Variants in UNC5C observed in about 807,000 individuals in gnomAD.
The protein encoded by UNC5C is unc-5 netrin receptor C, also known as netrin receptor UNC5C.
In UNC5C, 47 loss-of-function variants were observed where a neutral mutation model predicts 99.8. That is an observed-to-expected ratio of 0.47 (90% CI 0.37 to 0.60). The LOEUF (loss-of-function observed/expected upper bound fraction) is 0.60. UNC5C is among the 20% of genes least tolerant of loss of function. UNC5C has a pLI of 0.00. For missense variants in UNC5C, 1,062 were observed against 1,165.9 expected (o/e 0.91, Z 1.30); for synonymous variants, 487 against 452.2 (o/e 1.08, Z -0.98).
At chr4:95,245,675 G>T (rs530556329) in intron 5 of UNC5C, among the ~76,000 whole-genome samples, 5 of 152,244 alleles carry the variant, frequency 3.3e-5, no homozygotes, top group Admixed American at 1.3e-4. Context: ...CAGTACTGGG[G>T]TTATAAACAA....
intron 2 of UNC5C, among the ~76,000 whole-genome samples, chr4:95,331,165 A>T (rs2149418558): frequency 6.6e-6 from 1 of 152,190 alleles, no homozygotes; most frequent in East Asian, 1.9e-4. Context: ...TTTTTTATGG[A>T]TGAATAGTAT....
chr4:95,240,341 C>G (rs1739284166), intron 7 of UNC5C, among the ~76,000 whole-genome samples: 1 of 152,158 alleles, frequency 6.6e-6, no homozygotes. Flanking sequence ...ACTAAACTAA[C>G]TGGTAAACAG....
intron 1 of UNC5C, among the ~76,000 whole-genome samples, chr4:95,539,101 C>T (rs1722851628): frequency 6.6e-6 from 1 of 152,172 alleles, no homozygotes; most frequent in South Asian, 2.1e-4. Flanking sequence ...TGAGAGGTCA[C>T]CTCATGTAGG....
At chr4:95,191,711 C>T (rs1282412985) in intron 12 of UNC5C, among the ~76,000 whole-genome samples, 1 of 150,170 alleles carries the variant, frequency 6.7e-6, no homozygotes. Context: ...TGCTTACCCT[C>T]CTTCCCTGCT....
chr4:95,355,326 C>T (rs1744142344), intron 1 of UNC5C, among the ~76,000 whole-genome samples: 1 of 152,142 alleles, frequency 6.6e-6, no homozygotes, highest in Non-Finnish European at 1.5e-5. Flanking sequence ...GCCTTATTTT[C>T]TTGTTGAATG....
intron 1 of UNC5C, among the ~76,000 whole-genome samples, chr4:95,388,310 C>T (rs897900347): frequency 6.6e-6 from 1 of 152,182 alleles, no homozygotes; most frequent in Non-Finnish European, 1.5e-5. Flanking sequence ...ATCTATTACT[C>T]ATAGAATGGT....
chr4:95,423,408 C>A (rs1746374774), intron 1 of UNC5C, among the ~76,000 whole-genome samples: 1 of 152,126 alleles, frequency 6.6e-6, no homozygotes, highest in Non-Finnish European at 1.5e-5. Context: ...TTTCTCAATG[C>A]AGTTATACTT....
At chr4:95,311,078 T>G (rs1742259364) in intron 2 of UNC5C, among the ~76,000 whole-genome samples, 1 of 152,128 alleles carries the variant, frequency 6.6e-6, no homozygotes, top group Admixed American at 6.6e-5. Context: ...ACTTGAATGG[T>G]GGGTGTGCAA....
At chr4:95,419,138 A>G (rs1246008479) in intron 1 of UNC5C, among the ~76,000 whole-genome samples, 1 of 152,176 alleles carries the variant, frequency 6.6e-6, no homozygotes, top group Non-Finnish European at 1.5e-5. Flanking sequence ...CTGATATCAA[A>G]TTGGTGTTAA....
chr4:95,543,754 C>T (rs1479388940), intron 1 of UNC5C, among the ~76,000 whole-genome samples: 15 of 152,196 alleles, frequency 9.9e-5, no homozygotes, highest in Admixed American at 7.9e-4. Flanking sequence ...AAGTCAAGGA[C>T]GAGCTTCTTG....
chr4:95,541,110 C>A (rs555900674), intron 1 of UNC5C, among the ~76,000 whole-genome samples: 2 of 152,190 alleles, frequency 1.3e-5, no homozygotes, highest in South Asian at 4.1e-4. Flanking sequence ...CTCCTTTTAC[C>A]TTTAGTAAAG....
chr4:95,172,921 A>G (rs914325353), intron 14 of UNC5C, among the ~76,000 whole-genome samples: 25 of 152,186 alleles, frequency 1.6e-4, no homozygotes, highest in African/African-American at 5.3e-4. Context: ...TTCCTTGAGC[A>G]GTGGTTTGTA....
In UNC5C at chr4:95,210,918, T is replaced by C. The variant is rs528829046; in HGVS notation, c.1734-4122A>G. On this transcript the variant is annotated intron_variant, in intron 10 of 15. Transcript: ENST00000453304. ...CTCATGGTACACCTGTATGGCAGTG[T>C]ATGTCTATTACCTCTTTTCCAGAAG... Among the ~76,000 whole-genome samples, 7 of 152,358 alleles carry C rather than the reference T, an allele frequency of 4.6e-5. No homozygotes were observed. In the East Asian group the frequency reaches 1.2e-3, roughly 25 times the overall value.
At chr4:95,325,113 T>C (rs1378208199) in intron 2 of UNC5C, among the ~76,000 whole-genome samples, 1 of 152,156 alleles carries the variant, frequency 6.6e-6, no homozygotes, top group Non-Finnish European at 1.5e-5. Flanking sequence ...ATATAAGGCA[T>C]GTGGTAAAGG....
At chr4:95,458,174 T>C (rs1269617258) in intron 1 of UNC5C, among the ~76,000 whole-genome samples, 1 of 152,144 alleles carries the variant, frequency 6.6e-6, no homozygotes, top group Non-Finnish European at 1.5e-5. Context: ...AGAATATTTT[T>C]AGGCGTTTAG....
intron 1 of UNC5C, among the ~76,000 whole-genome samples, chr4:95,537,993 G>A (rs563663438): frequency 1.3e-5 from 2 of 152,290 alleles, no homozygotes; most frequent in South Asian, 4.1e-4. Context: ...CTTTCTGAAT[G>A]TCAGCTTAAG....
chr4:95,415,234 T>C (rs1357888988), intron 1 of UNC5C, among the ~76,000 whole-genome samples: 1 of 152,192 alleles, frequency 6.6e-6, no homozygotes, highest in Non-Finnish European at 1.5e-5. Context: ...CAACATAGTC[T>C]ACATTTATTG....
At chr4:95,447,023 A>T (rs1747126006) in intron 1 of UNC5C, among the ~76,000 whole-genome samples, 1 of 152,188 alleles carries the variant, frequency 6.6e-6, no homozygotes, top group Non-Finnish European at 1.5e-5. Context: ...AATTGACTGC[A>T]TACAAAAATT....
intron 1 of UNC5C, among the ~76,000 whole-genome samples, chr4:95,519,686 G>A (rs1722302243): frequency 6.6e-6 from 1 of 152,174 alleles, no homozygotes. Flanking sequence ...GAATTAATTG[G>A]AAGAGTAATC....
Sources: allele counts gnomAD v4.1 joint callset (sites outside exome capture counted in the v4.1 genomes callset), GRCh38; gene constraint gnomAD v4.1.1; transcripts MANE v1.5; gene names NCBI Gene and HGNC (gene_info 2026-07-23, HGNC 2026-07-21).